The following NALF1 variants were observed in gnomAD, a reference collection of about 807,000 sequenced individuals.
NALF1 encodes the protein family with sequence similarity 155 member A.
Under a neutral mutation model 48.4 loss-of-function variants are expected in NALF1, and 3 were observed. The ratio of observed to expected loss-of-function variants is 0.06; its 90% CI spans 0.03 to 0.16. The LOEUF (loss-of-function observed/expected upper bound fraction) is 0.16. NALF1 is among the 10% of genes least tolerant of loss of function. NALF1 has a pLI of 1.00. For missense variants in NALF1, 526 were observed against 571.5 expected (o/e 0.92, Z 0.81); for synonymous variants, 262 against 245.7 (o/e 1.07, Z -0.62).
chr13:107,332,344 C>T (rs1344042469), intron 1 of NALF1, among the ~76,000 whole-genome samples: 2 of 152,178 alleles, frequency 1.3e-5, no homozygotes, highest in Non-Finnish European at 2.9e-5. Context: ...ATTACATCAA[C>T]ACTGCTTAAA....
intron 1 of NALF1, among the ~76,000 whole-genome samples, chr13:107,796,314 A>G (rs1467548211): frequency 6.6e-6 from 1 of 151,960 alleles, no homozygotes; most frequent in Non-Finnish European, 1.5e-5. Context: ...TTTATCTTTT[A>G]TTTTTCTGGG....
intron 2 of NALF1, among the ~76,000 whole-genome samples, chr13:107,208,259 G>T (rs933997297): frequency 6.6e-6 from 1 of 152,076 alleles, no homozygotes; most frequent in Non-Finnish European, 1.5e-5. Context: ...ATCCTAGGGG[G>T]CCTCTCACGG....
At chr13:107,636,246 G>C (rs903464632) in intron 1 of NALF1, among the ~76,000 whole-genome samples, 26 of 152,022 alleles carry the variant, frequency 1.7e-4, no homozygotes, top group African/African-American at 5.8e-4. Flanking sequence ...CCATTACCCA[G>C]AATAACTTGA....
intron 1 of NALF1, among the ~76,000 whole-genome samples, chr13:107,710,783 A>ATATG (rs1875558360): frequency 7.1e-6 from 1 of 141,094 alleles, no homozygotes; most frequent in African/African-American, 2.6e-5. Flanking sequence ...ATATGTGTGT[A>ATATG]TATACACATA....
intron 1 of NALF1, among the ~76,000 whole-genome samples, chr13:107,462,974 G>A (rs1019549917): frequency 2.0e-5 from 3 of 152,166 alleles, no homozygotes; most frequent in South Asian, 4.1e-4. Context: ...CATGGAGCCT[G>A]AGGGTGGTCT....
chr13:107,448,080 T>C (rs1458918258), intron 1 of NALF1, among the ~76,000 whole-genome samples: 1 of 152,160 alleles, frequency 6.6e-6, no homozygotes, highest in African/African-American at 2.4e-5. Flanking sequence ...CCTTCCTCTC[T>C]TATATAATGT....
In NALF1 at chr13:107,169,065, T is replaced by G. The variant is rs1878732544; in HGVS notation, c.*1432A>C. The G allele has an allele frequency of 6.6e-6, 1 of 152,598 alleles. No individual in the cohort carries two copies. Among genetic ancestry groups the G allele is most frequent in the Non-Finnish European group, 1.5e-5 (1 of 68,032 alleles). 9.5% of individuals were successfully genotyped at this position (152,598 alleles called of 1,614,324 possible). ...TCTACTGTAAACTCATAAAAGCCTT[T>G]TATAGAAAGCAAATTCATGTACACT... On this transcript the variant is annotated 3_prime_UTR_variant, in exon 3 of 3. Transcript: ENST00000375915.
chr13:107,262,517 C>T (rs943156726), intron 1 of NALF1, among the ~76,000 whole-genome samples: 29 of 152,166 alleles, frequency 1.9e-4, no homozygotes, highest in African/African-American at 6.3e-4. Flanking sequence ...GTCATCTCCA[C>T]GTATCTGTTT....
intron 1 of NALF1, among the ~76,000 whole-genome samples, chr13:107,313,116 G>T (rs1882079216): frequency 6.6e-6 from 1 of 151,874 alleles, no homozygotes. Context: ...GAAATCTCTA[G>T]AAAGCAACAA....
intron 1 of NALF1, among the ~76,000 whole-genome samples, chr13:107,825,135 A>C: frequency 6.6e-6 from 1 of 152,242 alleles, no homozygotes; most frequent in East Asian, 1.9e-4. Flanking sequence ...AACAATATAA[A>C]GTAAACAAAA....
chr13:107,603,468 C>T (rs777867684), intron 1 of NALF1, among the ~76,000 whole-genome samples: 5 of 152,106 alleles, frequency 3.3e-5, no homozygotes, highest in Non-Finnish European at 7.4e-5. Context: ...AAGTCATCAA[C>T]ATGCACATAG....
chr13:107,300,270 C>T (rs1268430525), intron 1 of NALF1, among the ~76,000 whole-genome samples: 1 of 152,214 alleles, frequency 6.6e-6, no homozygotes, highest in Non-Finnish European at 1.5e-5. Context: ...CCGTCCTGTT[C>T]TCTCATCTCT....
At chr13:107,285,314 T>G (rs115192670) in intron 1 of NALF1, among the ~76,000 whole-genome samples, 4,720 of 152,274 alleles carry the variant, frequency 0.031, 73 homozygotes, top group Middle Eastern at 0.054. Flanking sequence ...ATGTGGTTAT[T>G]CCCATACAAC....
intron 1 of NALF1, among the ~76,000 whole-genome samples, chr13:107,826,367 C>T (rs1302659510): frequency 6.6e-6 from 1 of 152,086 alleles, no homozygotes; most frequent in Non-Finnish European, 1.5e-5. Flanking sequence ...ACAACACAAG[C>T]TGACAGGGTG....
At chr13:107,370,428 T>C (rs1239151041) in intron 1 of NALF1, among the ~76,000 whole-genome samples, 2 of 152,152 alleles carry the variant, frequency 1.3e-5, no homozygotes, top group Non-Finnish European at 2.9e-5. Flanking sequence ...TCTCAAAACT[T>C]ACAAAGCCTA....
At chr13:107,421,323 T>C (rs753863274) in intron 1 of NALF1, among the ~76,000 whole-genome samples, 3 of 152,176 alleles carry the variant, frequency 2.0e-5, no homozygotes, top group African/African-American at 7.2e-5. Flanking sequence ...AAGAGAATTT[T>C]AACTGCTCTA....
rs553078443 is a variant in NALF1 at position 107,377,423 on chromosome 13, G to C, written c.916-166668C>G. On this transcript the variant is annotated intron_variant, in intron 1 of 2. Transcript: ENST00000375915. The stretch of plus-strand genomic sequence containing the variant: ...TGCGTTAAAGCAGGAGGATCATGGA[G>C]AATCTAAAAGAATGCATTTTGCATT... Among the ~76,000 whole-genome samples, 151 of 152,230 alleles carry C rather than the reference G, an allele frequency of 9.9e-4. 1 individual carries two copies. The highest frequency in any genetic ancestry group is 1.6e-3 in the Non-Finnish European group (111 of 68,014).
chr13:107,657,451 T>C (rs749796519), intron 1 of NALF1, among the ~76,000 whole-genome samples: 5 of 152,178 alleles, frequency 3.3e-5, no homozygotes, highest in African/African-American at 7.2e-5. Flanking sequence ...GGTGTGTGTC[T>C]TTCTGTGTGT....
intron 1 of NALF1, among the ~76,000 whole-genome samples, chr13:107,796,450 GA>G (rs1878427313): frequency 6.6e-6 from 1 of 151,868 alleles, no homozygotes; most frequent in Non-Finnish European, 1.5e-5. Context: ...TCTCTCATTC[GA>G]TGTGAACAAA....
Sources: gnomAD v4.1 joint callset for allele counts (sites outside exome capture counted in the v4.1 genomes callset) on GRCh38, gnomAD v4.1.1 for gene constraint, MANE v1.5 for transcripts, NCBI Gene and HGNC (gene_info 2026-07-23, HGNC 2026-07-21) for gene names.